TRIB3: variants seen among roughly 807,000 people sequenced by gnomAD.
TRIB3 encodes the protein tribbles pseudokinase 3.
TRIB3 carries 20 observed loss-of-function variants against 16.6 expected under a neutral mutation model. The ratio of observed to expected loss-of-function variants is 1.20; its 90% CI spans 0.85 to 1.75. The LOEUF (loss-of-function observed/expected upper bound fraction) is 1.75, where lower values mean the gene tolerates loss of function less well. Among genes scored for constraint, TRIB3 ranks in the 40% most tolerant of loss-of-function variants. The pLI is 0.00. For synonymous variants in TRIB3, 208 were observed against 217.0 expected (o/e 0.96, Z 0.36); for missense variants, 484 against 488.9 (o/e 0.99, Z 0.10).
chr20:387,554 G>GAA (rs11330051), intron 1 of TRIB3, among the ~76,000 whole-genome samples: 1 of 139,476 alleles, frequency 7.2e-6, no homozygotes. Flanking sequence ...ATCTCTTGGG[G>GAA]AAAAAAAAAA....
At chr20:383,780 G>C (rs2014723370) in intron 1 of TRIB3, among the ~76,000 whole-genome samples, 1 of 152,118 alleles carries the variant, frequency 6.6e-6, no homozygotes, top group Non-Finnish European at 1.5e-5. Flanking sequence ...CTCCTCAGAG[G>C]TGGTACCTTT....
chr20:390,393 T>C (rs2014939375), intron 2 of TRIB3, among the ~76,000 whole-genome samples: 1 of 152,220 alleles, frequency 6.6e-6, no homozygotes, highest in Non-Finnish European at 1.5e-5. Flanking sequence ...TTTGCAATGC[T>C]TATCAGCATT....
chr20:382,301 C>A (rs11696299), intron 1 of TRIB3: 64,875 of 502,554 alleles, frequency 0.13, 4,646 homozygotes, highest in South Asian at 0.19. Flanking sequence ...ACTCAGTTAC[C>A]GCATCTGTCC....
Position 391,294 on chromosome 20 carries a change from C to A in TRIB3, c.299C>A (p.Pro100His). The A allele has an allele frequency of 6.2e-7, 1 of 1,611,892 alleles. No homozygotes were observed. The highest frequency in any genetic ancestry group is 8.5e-7 in the Non-Finnish European group (1 of 1,179,894). ...ACCATGCTCTGCCCACAGGTGTACC[C>A]CGTCCAGGAAGCCCTGGCCGTGCTG... ...TGTEYTCKVYPVQEALAVLEP... is the reference protein window; with the variant it reads ...TGTEYTCKVYHVQEALAVLEP... Residue 100 changes from proline to histidine, a missense_variant, in exon 3 of 4, where the codon CCC (proline) becomes CAC (histidine). By Grantham distance (77) the Pro-to-His change is moderately conservative (BLOSUM62 -2). Coordinates refer to ENST00000217233, the MANE Select transcript of TRIB3 (RefSeq NM_021158.5).
At chr20:381,942 G>A (rs1427859349) in intron 1 of TRIB3, among the ~76,000 whole-genome samples, 2 of 152,192 alleles carry the variant, frequency 1.3e-5, no homozygotes, top group African/African-American at 2.4e-5. Flanking sequence ...CCCCCCTCCT[G>A]TCCCAGGGCC....
intron 3 of TRIB3, among the ~76,000 whole-genome samples, chr20:395,220 C>T (rs1297135212): frequency 9.9e-5 from 15 of 150,856 alleles, no homozygotes; most frequent in Admixed American, 9.9e-4. Context: ...AGTGCAGTGG[C>T]GCGATCTCAG....
At chr20:389,939 A>G (rs1311402143) in intron 2 of TRIB3, among the ~76,000 whole-genome samples, 1 of 152,218 alleles carries the variant, frequency 6.6e-6, no homozygotes, top group Non-Finnish European at 1.5e-5. Context: ...CGTATTTGCC[A>G]TGTACCATGC....
At chr20:386,655 C>T (rs2122672978) in intron 1 of TRIB3, among the ~76,000 whole-genome samples, 1 of 152,176 alleles carries the variant, frequency 6.6e-6, no homozygotes, top group South Asian at 2.1e-4. Flanking sequence ...TCACTGCAAC[C>T]TCCACCTCCC....
rs954648258 is a variant in TRIB3 at position 395,437 on chromosome 20, C to A, written c.585-761C>A. ...CGGCCTCCCAAAGTGCTAGGATTAC[C>A]GGCATGAGCCACCGCGCCCAGCCTT... On this transcript the variant is annotated intron_variant, in intron 3 of 3. Transcript: ENST00000217233. Among the ~76,000 whole-genome samples the A allele has an allele frequency of 8.6e-5, 13 of 151,866 alleles. No homozygotes were observed. The East Asian group carries it at 2.3e-3, about 27-fold the overall frequency.
chr20:390,581 C>G (rs1231140736), intron 2 of TRIB3, among the ~76,000 whole-genome samples: 3 of 152,186 alleles, frequency 2.0e-5, no homozygotes, highest in Non-Finnish European at 2.9e-5. Context: ...CGGTGATGAG[C>G]ATCAGGTGCC....
At chr20:385,639 G>T (rs2014784222) in intron 1 of TRIB3, 1 of 151,800 alleles carries the variant, frequency 6.6e-6, no homozygotes. Context: ...GTTGAAACAG[G>T]CCTCCAGATG....
At chr20:382,661 A>T in intron 1 of TRIB3, 1 of 1,275,366 alleles carries the variant, frequency 7.8e-7, no homozygotes, top group Non-Finnish European at 1.1e-6. Flanking sequence ...TTGTGTTTTC[A>T]TTTCATCATC....
intron 1 of TRIB3, chr20:382,443 A>G (rs2014687491): frequency 1.6e-6 from 2 of 1,241,516 alleles, no homozygotes; most frequent in African/African-American, 3.0e-5. Flanking sequence ...GGCACAAAGC[A>G]TGTGCACAGC....
intron 1 of TRIB3, among the ~76,000 whole-genome samples, chr20:381,882 G>A (rs1396747327): frequency 1.3e-5 from 2 of 152,204 alleles, no homozygotes; most frequent in Non-Finnish European, 2.9e-5. Flanking sequence ...TGCTGTGCCT[G>A]CAGACCGGGG....
At chr20:385,804 T>C (rs1167172174) in intron 1 of TRIB3, 1 of 151,740 alleles carries the variant, frequency 6.6e-6, no homozygotes, top group African/African-American at 2.4e-5. Flanking sequence ...GAGGCCTCTC[T>C]GGGTTCCTAG....
intron 1 of TRIB3, among the ~76,000 whole-genome samples, chr20:385,278 A>G (rs2014771708): frequency 6.7e-6 from 1 of 150,336 alleles, no homozygotes; most frequent in Non-Finnish European, 1.5e-5. Context: ...ACGCCCGGCT[A>G]ATTTTTGTAG....
At chr20:386,882 C>G (rs536582060) in intron 1 of TRIB3, among the ~76,000 whole-genome samples, 54 of 151,370 alleles carry the variant, frequency 3.6e-4, no homozygotes, top group African/African-American at 1.2e-3. Flanking sequence ...GTGCTGCTAC[C>G]TGGGATTACA....
rs751280620 is a variant in TRIB3, at chr20:396,243, T to G, written c.630T>G (p.Thr210=). 5.6e-6 allele frequency: 9 copies of G among 1,613,742 alleles called. No homozygotes were observed. In the South Asian group the frequency reaches 8.8e-5, roughly 16 times the overall value. The change falls in exon 4 of 4, where the codon ACT becomes ACG. Residue 210 remains threonine, a synonymous_variant. Coordinates refer to ENST00000217233, the MANE Select transcript of TRIB3 (RefSeq NM_021158.5). ...LENLEDSCVL[T]GPDDSLWDKH... is the part of the protein sequence containing the mutation. ...ACCTGGAGGACTCCTGCGTGCTGAC[T>G]GGGCCAGATGATTCCCTGTGGGACA... is the stretch of plus-strand genomic sequence containing the variant.
In TRIB3 at chr20:396,459, A is replaced by G. The variant is rs2015130496; in HGVS notation, c.846A>G (p.Ala282=). ...GCCGCGGGGCCTACGCCTTGCCTGC[A>G]GGCCTCTCGGCCCCTGCCCGCTGTC... ...KIRRGAYALP[A]GLSAPARCLV... The change falls in exon 4 of 4, where the codon GCA becomes GCG. Residue 282 remains alanine (A), a synonymous_variant. Transcript: ENST00000217233. 2.5e-6 allele frequency: 4 copies of G among 1,612,856 alleles called. No homozygotes were observed. In the African/African-American group the frequency reaches 5.3e-5, roughly 21 times the overall value.
Sources: gnomAD v4.1 joint callset for allele counts (sites outside exome capture counted in the v4.1 genomes callset) on GRCh38, gnomAD v4.1.1 for gene constraint, MANE v1.5 for transcripts, NCBI Gene and HGNC (gene_info 2026-07-23, HGNC 2026-07-21) for gene names.